DOCK3: variants seen among roughly 807,000 people sequenced by gnomAD.
The protein encoded by DOCK3 is dedicator of cytokinesis protein 3.
DOCK3 carries 60 observed loss-of-function variants against 265.6 expected under a neutral mutation model. That is an observed-to-expected ratio of 0.23 (90% CI 0.18 to 0.28). The LOEUF is 0.28. Ranked by LOEUF, DOCK3 falls within the 10% of genes least tolerant of loss-of-function variation. DOCK3 has a pLI of 1.00. For synonymous variants in DOCK3, 881 were observed against 938.0 expected (o/e 0.94, Z 1.11); for missense variants, 1,981 against 2,594.3 (o/e 0.76, Z 5.14).
At chr3:51,254,184 A>G (rs1220309372) in intron 22 of DOCK3, among the ~76,000 whole-genome samples, 1 of 152,152 alleles carries the variant, frequency 6.6e-6, no homozygotes, top group Non-Finnish European at 1.5e-5. Context: ...GTTTTGAGTG[A>G]CTTTCTTAGT....
intron 3 of DOCK3, among the ~76,000 whole-genome samples, chr3:50,888,303 G>A (rs191004105): frequency 6.6e-6 from 1 of 152,162 alleles, no homozygotes; most frequent in East Asian, 1.9e-4. Flanking sequence ...CAACTTACAA[G>A]GGATGTGAAG....
chr3:50,927,803 G>A (rs886250793), intron 4 of DOCK3, among the ~76,000 whole-genome samples: 2 of 152,150 alleles, frequency 1.3e-5, no homozygotes, highest in Non-Finnish European at 2.9e-5. Flanking sequence ...GGAAGACAGT[G>A]TGTCTCTACA....
chr3:50,739,072 G>T (rs1208586390), intron 1 of DOCK3, among the ~76,000 whole-genome samples: 3 of 151,856 alleles, frequency 2.0e-5, no homozygotes, highest in Non-Finnish European at 2.9e-5. Flanking sequence ...TTTTGGGGGG[G>T]GGTTATTTAG....
intron 1 of DOCK3, among the ~76,000 whole-genome samples, chr3:50,714,478 T>TTTTA (rs1413611004): frequency 2.6e-5 from 4 of 152,164 alleles, no homozygotes; most frequent in Non-Finnish European, 5.9e-5. Context: ...TGACTACTTC[T>TTTTA]TTTATTTATT....
chr3:51,089,292 G>A lies in DOCK3; in HGVS notation c.591+8G>A. 1 of 1,607,778 alleles carries A rather than the reference G, an allele frequency of 6.2e-7. No individual in the cohort carries two copies. Among genetic ancestry groups the A allele is most frequent in the Non-Finnish European group, 8.5e-7 (1 of 1,177,070 alleles). On this transcript the variant is annotated splice_region_variant and intron_variant, in intron 8 of 52. Coordinates refer to ENST00000266037, the MANE Select transcript of DOCK3 (RefSeq NM_004947.5). The stretch of plus-strand genomic sequence containing the variant: ...CAGCAAAGCACATCCCAGGTAAGCG[G>A]CTTTCCTGGGTCTTCCAGCCTTTCC...
In DOCK3 at chr3:50,675,364, G is replaced by T. The variant is rs1240173852; in HGVS notation, c.37+64G>T. 1.7e-6 allele frequency: 2 copies of T among 1,167,526 alleles called. No individual in the cohort carries two copies. Among genetic ancestry groups the T allele is most frequent in the Non-Finnish European group, 1.1e-6 (1 of 935,238 alleles). 72.3% of individuals were successfully genotyped at this position (1,167,526 alleles called of 1,614,324 possible). ...GGGGACGCGCCCAGCTCCCGGCCCC[G>T]CCTGGATTCGCATCCTCGTGCCCCC... On this transcript the variant is annotated intron_variant, in intron 1 of 52. Transcript: ENST00000266037. This position sits in a 1 kb window ranked among gnomAD's most constrained non-coding sequence, Gnocchi z 6.1.
intron 10 of DOCK3, among the ~76,000 whole-genome samples, chr3:51,149,808 T>G (rs1478684814): frequency 6.6e-6 from 1 of 152,122 alleles, no homozygotes; most frequent in African/African-American, 2.4e-5. Context: ...TCTTTTTTGT[T>G]GTTGTGTCTC....
rs2086724344 is a variant in DOCK3, at chr3:51,361,465, A to G, written c.5007-394A>G. On this transcript the variant is annotated intron_variant, in intron 47 of 52. Coordinates refer to ENST00000266037, the MANE Select transcript of DOCK3 (RefSeq NM_004947.5). The surrounding 1 kb of genome is among the most constrained non-coding windows in gnomAD (Gnocchi z 4.2). ...AGCCTCTGACCAAGAAGCAGATCCC[A>G]TCATGGTGTGGGGGGGTTGGGGGGT... is the stretch of plus-strand genomic sequence containing the variant. Among the ~76,000 whole-genome samples the G allele has an allele frequency of 1.3e-5, 2 of 148,690 alleles. No individual in the cohort carries two copies. The highest frequency in any genetic ancestry group is 2.2e-4 in the South Asian group (1 of 4,602).
chr3:51,355,721 T>A (rs763770972), intron 41 of DOCK3, among the ~76,000 whole-genome samples: 6 of 152,184 alleles, frequency 3.9e-5, no homozygotes, highest in Non-Finnish European at 7.4e-5. Flanking sequence ...GTAAATATGC[T>A]TTACCTATAG....
chr3:51,221,173 G>T (rs1165908691), intron 14 of DOCK3, among the ~76,000 whole-genome samples: 1 of 152,056 alleles, frequency 6.6e-6, no homozygotes, highest in South Asian at 2.1e-4. Flanking sequence ...TTTTAAGATC[G>T]CTCACTCCAT....
chr3:51,215,435 T>C (rs138117990), intron 14 of DOCK3, among the ~76,000 whole-genome samples: 9 of 152,286 alleles, frequency 5.9e-5, no homozygotes, highest in African/African-American at 1.4e-4. Context: ...CTGGCCTCAG[T>C]TGAGTTTTAA....
intron 12 of DOCK3, among the ~76,000 whole-genome samples, chr3:51,187,064 A>T (rs4927973): frequency 1.4e-4 from 22 of 152,030 alleles, no homozygotes; most frequent in African/African-American, 4.1e-4. Flanking sequence ...GTAGATCCAC[A>T]GACAGCTTGC....
At chr3:50,682,361 A>G (rs1469354411) in intron 1 of DOCK3, among the ~76,000 whole-genome samples, 1 of 152,118 alleles carries the variant, frequency 6.6e-6, no homozygotes, top group Non-Finnish European at 1.5e-5. Context: ...TTGCTGCATC[A>G]TGTCTTTGTT....
intron 12 of DOCK3, among the ~76,000 whole-genome samples, chr3:51,198,604 A>AGG (rs2088476186): frequency 1.3e-5 from 2 of 151,022 alleles, no homozygotes; most frequent in Non-Finnish European, 2.9e-5. Context: ...AAACAGGGAA[A>AGG]GGGAGGGATG....
At chr3:50,932,402 G>T (rs1303573124) in intron 4 of DOCK3, among the ~76,000 whole-genome samples, 5 of 151,298 alleles carry the variant, frequency 3.3e-5, no homozygotes, top group Non-Finnish European at 7.4e-5. Flanking sequence ...TTTTTTTTCA[G>T]ATGGATGATA....
chr3:51,321,725 A>G (rs887557975), intron 32 of DOCK3, among the ~76,000 whole-genome samples: 1 of 152,204 alleles, frequency 6.6e-6, no homozygotes, highest in African/African-American at 2.4e-5. Context: ...AAGAAAGAAT[A>G]TCAGAGATTG....
intron 12 of DOCK3, among the ~76,000 whole-genome samples, chr3:51,179,565 G>C (rs1274189841): frequency 1.3e-5 from 2 of 152,138 alleles, no homozygotes; most frequent in Admixed American, 1.3e-4. Context: ...GATAAAAATA[G>C]ACATACAATG....
chr3:51,317,548 C>G (rs1560423487), intron 32 of DOCK3, among the ~76,000 whole-genome samples: 1 of 148,640 alleles, frequency 6.7e-6, no homozygotes, highest in Non-Finnish European at 1.5e-5. Context: ...CCACTGCACT[C>G]CAGCCTAGGC....
At chr3:50,820,636 C>A (rs766312929) in intron 2 of DOCK3, among the ~76,000 whole-genome samples, 2 of 152,076 alleles carry the variant, frequency 1.3e-5, no homozygotes, top group African/African-American at 4.8e-5. Context: ...GATAAACATG[C>A]AAGTACGTGT....
Sources: gnomAD v4.1 joint callset for allele counts (sites outside exome capture counted in the v4.1 genomes callset) on GRCh38, gnomAD v4.1.1 for gene constraint, Gnocchi (gnomAD v3.1) non-coding constraint, MANE v1.5 for transcripts, NCBI Gene and HGNC (gene_info 2026-07-23, HGNC 2026-07-21) for gene names.